MFSD2B: variants seen among roughly 807,000 people sequenced by gnomAD.
MFSD2B encodes the protein MFSD2 lysolipid transporter B, sphingolipid.
Under a neutral mutation model 58.4 loss-of-function variants are expected in MFSD2B, and 56 were observed. The observed-to-expected ratio is 0.96, with a 90% CI of 0.77 to 1.20. MFSD2B has a LOEUF of 1.20. MFSD2B is among the 50% of genes most tolerant of loss of function. The pLI is 0.00. For missense variants in MFSD2B, 645 were observed against 667.6 expected (o/e 0.97, Z 0.37); for synonymous variants, 287 against 294.4 (o/e 0.97, Z 0.26).
rs1558318781 is a variant in MFSD2B at position 24,012,170 on chromosome 2, ACACACACAC to A, written c.97-1114_97-1106del. On this transcript the variant is annotated intron_variant, in intron 1 of 13. Transcript: ENST00000338315. This position sits in a 1 kb window ranked among gnomAD's most constrained non-coding sequence, Gnocchi z 4.5. ...AAACAAAACACACACACACACACAC[ACACACACAC>A]AAAAACAGACAAAAAAACCCTGCAA... 7.2e-6 allele frequency among the ~76,000 whole-genome samples: 1 copy of A among 139,694 alleles called. No homozygotes were observed. The highest frequency in any genetic ancestry group is 2.1e-4 in the East Asian group (1 of 4,718). The allele number at this position is 139,694 out of a possible 152,430, so 91.6% of individuals were successfully genotyped here. A position where few individuals can be genotyped will look rare whatever the true frequency, so the allele number is the denominator to read the frequency against.
In MFSD2B at chr2:24,021,300, A is replaced by G. The variant is rs1474277704; in HGVS notation, c.682-348A>G. ...CACACTCTGAGCCCTGTGGATGGAC[A>G]GGGCTCACTTATTCATCATTGGAGC... On this transcript the variant is annotated intron_variant, in intron 6 of 13. Coordinates refer to ENST00000338315, the MANE Select transcript of MFSD2B (RefSeq NM_001346880.2). The surrounding 1 kb of genome is among the most constrained non-coding windows in gnomAD (Gnocchi z 5.7). Among the ~76,000 whole-genome samples, 1 of 152,236 alleles carries G rather than the reference A, an allele frequency of 6.6e-6. No individual in the cohort carries two copies. Among genetic ancestry groups the G allele is most frequent in the African/African-American group, 2.4e-5 (1 of 41,462 alleles).
Position 24,022,836 on chromosome 2 carries a change from G to C in MFSD2B, c.993G>C (p.Leu331=). 6.2e-7 allele frequency: 1 copy of C among 1,604,892 alleles called. No individual in the cohort carries two copies. Among genetic ancestry groups the C allele is most frequent in the Non-Finnish European group, 8.5e-7 (1 of 1,176,060 alleles). The change falls in exon 10 of 14, where the codon CTG becomes CTC. Residue 331 remains leucine, a synonymous_variant. Coordinates refer to ENST00000338315, the MANE Select transcript of MFSD2B (RefSeq NM_001346880.2). The surrounding 1 kb of genome is among the most constrained non-coding windows in gnomAD (Gnocchi z 4.5). ...TCTGCTCACAGGTCTCAGCCGTGCT[G>C]AGCACCCCGCTGTGGGAGTGGGTTC... ...LVLTVLVSAV[L]STPLWEWVLQ...
chr2:24,019,649 G>C (rs2150940844), intron 6 of MFSD2B, among the ~76,000 whole-genome samples: 1 of 152,320 alleles, frequency 6.6e-6, no homozygotes, highest in East Asian at 1.9e-4. Context: ...CTTGAACCCA[G>C]GAGGCAGAGG....
At chr2:24,015,783 T>C (rs560960662) in intron 2 of MFSD2B, among the ~76,000 whole-genome samples, 41 of 151,568 alleles carry the variant, frequency 2.7e-4, no homozygotes, top group African/African-American at 9.4e-4. Context: ...CCAGAATGTT[T>C]TTCTAATGAG....
rs1030001246 is a variant in MFSD2B at position 24,023,532 on chromosome 2, G to A, written c.1170-51G>A. 1 of 1,573,302 alleles carries A rather than the reference G, an allele frequency of 6.4e-7. No homozygotes were observed. Among genetic ancestry groups the A allele is most frequent in the African/African-American group, 1.3e-5 (1 of 74,098 alleles). ...GCCTCCGTCCCCAGAGAATTCACAGGCTGCTGGTGGCCAAGGGGCTAGGAG... is the reference window on the plus strand; with the variant it reads ...GCCTCCGTCCCCAGAGAATTCACAGACTGCTGGTGGCCAAGGGGCTAGGAG... On this transcript the variant is annotated intron_variant, in intron 11 of 13. Coordinates refer to ENST00000338315, the MANE Select transcript of MFSD2B (RefSeq NM_001346880.2). The surrounding 1 kb of genome is among the most constrained non-coding windows in gnomAD (Gnocchi z 5.0).
chr2:24,013,590 A>G (rs1386640297), intron 2 of MFSD2B, among the ~76,000 whole-genome samples, 180 bp downstream of exon 2: 1 of 152,166 alleles, frequency 6.6e-6, no homozygotes, highest in Non-Finnish European at 1.5e-5. Flanking sequence ...GCCTGTTTGT[A>G]GTGGGAAAAT....
intron 6 of MFSD2B, among the ~76,000 whole-genome samples, chr2:24,019,098 G>C (rs545970758): frequency 1.3e-5 from 2 of 152,038 alleles, no homozygotes; most frequent in Non-Finnish European, 2.9e-5. Context: ...TAATCCGCCC[G>C]CCTCAGCCTC....
At chr2:24,013,764 T>G (rs1029243854) in intron 2 of MFSD2B, among the ~76,000 whole-genome samples, 189 of 150,026 alleles carry the variant, frequency 1.3e-3, no homozygotes, top group Admixed American at 2.7e-4. Flanking sequence ...TTTTTTGTTT[T>G]TTTTTTTTTT....
intron 2 of MFSD2B, among the ~76,000 whole-genome samples, chr2:24,015,935 C>G (rs1230120470): frequency 1.3e-5 from 2 of 152,210 alleles, no homozygotes; most frequent in Non-Finnish European, 2.9e-5. Flanking sequence ...CAGTGGCTGA[C>G]ATGAGTACTA....
rs762371377 is a variant in MFSD2B, at chr2:24,021,993, G to A, written c.894+23G>A. 22 of 1,613,610 alleles carry A rather than the reference G, an allele frequency of 1.4e-5. No individual in the cohort carries two copies. The highest frequency in any genetic ancestry group is 6.7e-5 in the African/African-American group (5 of 74,920). On this transcript the variant is annotated intron_variant, in intron 8 of 13. Coordinates refer to ENST00000338315, the MANE Select transcript of MFSD2B (RefSeq NM_001346880.2). The surrounding 1 kb of genome is among the most constrained non-coding windows in gnomAD (Gnocchi z 5.7). Reference sequence around the variant, plus strand: ...CAGGTACCTCTGGCCAGCTGCCCCCGACAGGCTTGGTGCTGGCCATGCTGA... The same window carrying A: ...CAGGTACCTCTGGCCAGCTGCCCCCAACAGGCTTGGTGCTGGCCATGCTGA...
chr2:24,015,986 G>A (rs1322834039), intron 2 of MFSD2B, among the ~76,000 whole-genome samples, 170 bp from the exon 3 acceptor site: 1 of 152,190 alleles, frequency 6.6e-6, no homozygotes, highest in Admixed American at 6.5e-5. Flanking sequence ...TCCCTCCCCT[G>A]GACTCAGCCC....
At position 24,020,058 on chromosome 2, in the gene MFSD2B, C is replaced by T. The variant is rs1386988452; in HGVS notation, c.682-1590C>T. Among the ~76,000 whole-genome samples, 3 of 152,254 alleles carry T rather than the reference C, an allele frequency of 2.0e-5. No homozygotes were observed. The highest frequency in any genetic ancestry group is 7.2e-5 in the African/African-American group (3 of 41,468). ...CACATGCCTCCCAGCTACACGACCA[C>T]GTCCAGGACCTGGTGCTAGCTGTCC... On this transcript the variant is annotated intron_variant, in intron 6 of 13. Transcript: ENST00000338315. This position sits in a 1 kb window ranked among gnomAD's most constrained non-coding sequence, Gnocchi z 4.1.
In MFSD2B at chr2:24,022,954, C is replaced by T. The variant is rs1469802130; in HGVS notation, c.1059+52C>T. 6 of 1,537,896 alleles carry T rather than the reference C, an allele frequency of 3.9e-6. No individual in the cohort carries two copies. Among genetic ancestry groups the T allele is most frequent in the African/African-American group, 2.7e-5 (2 of 73,638 alleles). ...GGGGTGGCCGGAGGGGAGAGGTGAGCGAGGTGACCTTGGTGCCTGAGCCTC... is the reference window on the plus strand; with the variant it reads ...GGGGTGGCCGGAGGGGAGAGGTGAGTGAGGTGACCTTGGTGCCTGAGCCTC... On this transcript the variant is annotated intron_variant, in intron 10 of 13. Coordinates refer to ENST00000338315, the MANE Select transcript of MFSD2B (RefSeq NM_001346880.2). The surrounding 1 kb of genome is among the most constrained non-coding windows in gnomAD (Gnocchi z 4.5).
chr2:24,024,432 C>T lies in MFSD2B; in HGVS notation c.1490+161C>T, dbSNP rs1055033316. 29 of 696,398 alleles carry T rather than the reference C, an allele frequency of 4.2e-5. No homozygotes were observed. The highest frequency in any genetic ancestry group is 7.6e-5 in the South Asian group (4 of 52,604). 43.1% of individuals were successfully genotyped at this position (696,398 alleles called of 1,614,324 possible). A position where few individuals can be genotyped will look rare whatever the true frequency, so the allele number is the denominator to read the frequency against. The stretch of plus-strand genomic sequence containing the variant: ...CCCTTTTCTCCTGGATTTTCTTCTC[C>T]CACTCTGGCCACCCCTTCTCAGTCT... On this transcript the variant is annotated intron_variant, in intron 13 of 13. Transcript: ENST00000338315. This position sits in a 1 kb window ranked among gnomAD's most constrained non-coding sequence, Gnocchi z 4.3.
chr2:24,016,268 G>T lies in MFSD2B; in HGVS notation c.335G>T (p.Arg112Leu). ...AGGAGCCAGAGGACAGGGTCTGGACGGCTCATGCCTTGGTGAGCAACCGCT... is the reference window on the plus strand; with the variant it reads ...AGGAGCCAGAGGACAGGGTCTGGACTGCTCATGCCTTGGTGAGCAACCGCT... ...INRSQRTGSG[R>L]LMPWVLGCTP... is the part of the protein sequence containing the mutation. Residue 112 changes from arginine (R) to leucine (L), a missense_variant, in exon 3 of 14, where the codon CGG becomes CTG. Physicochemically the swap from Arg to Leu is moderately radical, Grantham distance 102 (BLOSUM62 -2). Transcript: ENST00000338315. 11 of 1,613,872 alleles carry T rather than the reference G, an allele frequency of 6.8e-6. No individual in the cohort carries two copies. Among genetic ancestry groups the T allele is most frequent in the Non-Finnish European group, 9.3e-6 (11 of 1,179,820 alleles).
chr2:24,013,223 G>A, intron 1 of MFSD2B, 62 bp from the exon 2 acceptor site: 1 of 1,495,970 alleles, frequency 6.7e-7, no homozygotes. Context: ...CTGAAGTCAT[G>A]GGGTGTGGGG....
In MFSD2B at chr2:24,025,783, C is replaced by T. The variant is rs1448457998; in HGVS notation, c.*327C>T. ...GTGGCCTACCACCCATTCAAGAAAA[C>T]GTTACAGCCGGCTCACTGCAAAATC... On this transcript the variant is annotated 3_prime_UTR_variant, in exon 14 of 14. Transcript: ENST00000338315. The T allele has an allele frequency of 2.1e-5, 6 of 284,822 alleles. No individual in the cohort carries two copies. The highest frequency in any genetic ancestry group is 2.2e-5 in the African/African-American group (1 of 46,298). 17.6% of individuals were successfully genotyped at this position (284,822 alleles called of 1,614,324 possible).
intron 1 of MFSD2B, 44 bp downstream of exon 1, chr2:24,010,236 G>A: frequency 7.6e-7 from 1 of 1,309,518 alleles, no homozygotes; most frequent in Non-Finnish European, 9.8e-7. Flanking sequence ...CGTCCTCGGG[G>A]AGCTCCAGGG....
In MFSD2B at chr2:24,022,082, C is replaced by T; in HGVS notation, c.894+112C>T. ...TATAGGGAGAAACCTGCGGCTGGCA[C>T]ATGGCTCAGAGGGGCTGGTGCCGGG... On this transcript the variant is annotated intron_variant, in intron 8 of 13. Transcript: ENST00000338315. This position sits in a 1 kb window ranked among gnomAD's most constrained non-coding sequence, Gnocchi z 4.5. 2.3e-6 allele frequency: 3 copies of T among 1,317,032 alleles called. No homozygotes were observed. Among genetic ancestry groups the T allele is most frequent in the South Asian group, 2.6e-5 (2 of 77,330 alleles). The allele number at this position is 1,317,032 out of a possible 1,614,324, so 81.6% of individuals were successfully genotyped here.
Sources: allele counts gnomAD v4.1 joint callset (sites outside exome capture counted in the v4.1 genomes callset), GRCh38; gene constraint gnomAD v4.1.1; non-coding constraint Gnocchi (gnomAD v3.1); transcripts MANE v1.5; gene names NCBI Gene and HGNC (gene_info 2026-07-23, HGNC 2026-07-21).